The following RASGRF1 variants were observed in gnomAD, a reference collection of about 807,000 sequenced individuals.
The protein encoded by RASGRF1 is ras-specific guanine nucleotide-releasing factor 1.
Under a neutral mutation model 138.7 loss-of-function variants are expected in RASGRF1, and 40 were observed. The observed-to-expected ratio is 0.29, with a 90% CI of 0.22 to 0.38. The LOEUF (loss-of-function observed/expected upper bound fraction) is 0.38. RASGRF1 is among the 10% of genes least tolerant of loss of function. The pLI is 1.00. For synonymous variants in RASGRF1, 614 were observed against 663.2 expected (o/e 0.93, Z 1.14); for missense variants, 1,108 against 1,650.4 (o/e 0.67, Z 5.69).
intron 10 of RASGRF1, among the ~76,000 whole-genome samples, chr15:79,024,171 AC>A (rs1423550252): frequency 6.6e-6 from 1 of 151,360 alleles, no homozygotes; most frequent in African/African-American, 2.4e-5. Flanking sequence ...CATATACCAC[AC>A]CCACCCACCA....
At chr15:79,058,533 G>A (rs758322128) in intron 2 of RASGRF1, 52 bp from the exon 3 acceptor site, 7 of 1,599,194 alleles carry the variant, frequency 4.4e-6, no homozygotes, top group South Asian at 1.1e-5. Flanking sequence ...GTCCTCTGGC[G>A]AACCAAGCAG....
At chr15:79,089,708 C>T (rs2058028064) in intron 1 of RASGRF1, among the ~76,000 whole-genome samples, 1 of 152,268 alleles carries the variant, frequency 6.6e-6, no homozygotes, top group Non-Finnish European at 1.5e-5. Context: ...GGAGCTAGCG[C>T]AGACCGCTCT....
chr15:79,071,667 G>A (rs749498897), intron 1 of RASGRF1, among the ~76,000 whole-genome samples: 7 of 151,958 alleles, frequency 4.6e-5, no homozygotes, highest in Non-Finnish European at 8.8e-5. Context: ...ACTGTGCCTG[G>A]CCCTCTGCAG....
In RASGRF1 at chr15:78,998,141, G is replaced by T; in HGVS notation, c.2921C>A (p.Pro974Gln). 6.2e-7 allele frequency: 1 copy of T among 1,614,164 alleles called. No individual in the cohort carries two copies. The highest frequency in any genetic ancestry group is 8.5e-7 in the Non-Finnish European group (1 of 1,180,020). The change falls in exon 19 of 27, where the codon CCG (proline) becomes CAG (glutamine). Residue 974 changes from proline (P) to glutamine (Q), a missense_variant. Transcript: ENST00000558480. ...CTTCCGCTCCTGGGTCAGGAGCTCC[G>T]GGTCGTGCATGACTTCTTCCAGGAA... ...IGFLEEVMHD[P>Q]ELLTQERKAA...
intron 23 of RASGRF1, chr15:78,981,190 C>G (rs1410251088): frequency 6.6e-6 from 1 of 152,292 alleles, no homozygotes; most frequent in Non-Finnish European, 1.5e-5. Flanking sequence ...AACTGATCAT[C>G]AGAAAAGAAA....
intron 10 of RASGRF1, among the ~76,000 whole-genome samples, chr15:79,023,995 CAT>C (rs1370418970): frequency 1.3e-5 from 2 of 149,212 alleles, no homozygotes; most frequent in Non-Finnish European, 3.0e-5. Context: ...ATATCTCACA[CAT>C]AGACACACAC....
intron 8 of RASGRF1, among the ~76,000 whole-genome samples, chr15:79,028,410 G>A (rs1049594072): frequency 6.6e-6 from 1 of 152,118 alleles, no homozygotes; most frequent in Non-Finnish European, 1.5e-5. Context: ...ACCTTTTGGA[G>A]CACCTGGCAA....
At chr15:79,039,766 C>T (rs1186844703) in intron 5 of RASGRF1, among the ~76,000 whole-genome samples, 1 of 151,996 alleles carries the variant, frequency 6.6e-6, no homozygotes, top group South Asian at 2.1e-4. Flanking sequence ...TAGGGAAAAA[C>T]TACTGATTTT....
At chr15:78,971,766 G>C (rs2055765296) in intron 26 of RASGRF1, 100 bp downstream of exon 26, 10 of 1,131,162 alleles carry the variant, frequency 8.8e-6, no homozygotes, top group Non-Finnish European at 1.2e-5. Context: ...AGAGAATTCT[G>C]GAAGGGAAAG....
intron 23 of RASGRF1, among the ~76,000 whole-genome samples, chr15:78,982,492 T>C (rs1756271185): frequency 6.6e-6 from 1 of 152,148 alleles, no homozygotes. Context: ...ATCTTCTAGC[T>C]GGGCCAGGAG....
At chr15:79,089,859 G>A (rs1221533106) in intron 1 of RASGRF1, among the ~76,000 whole-genome samples, 3 of 152,202 alleles carry the variant, frequency 2.0e-5, no homozygotes, top group African/African-American at 7.2e-5. Flanking sequence ...GGTGGGAGTG[G>A]GGGTTGGGAG....
At position 79,006,109 on chromosome 15, in the gene RASGRF1, C is replaced by T. The variant is rs144997995; in HGVS notation, c.2075+77G>A. ...TCCAGGGACCTTCCAGGTCACCCCC[C>T]GGCCCCGTGCAAGCTCAGTTTTCCT... On this transcript the variant is annotated intron_variant, in intron 14 of 26. Coordinates refer to ENST00000558480, the MANE Select transcript of RASGRF1 (RefSeq NM_001145648.3). This position sits in a 1 kb window ranked among gnomAD's most constrained non-coding sequence, Gnocchi z 4.0. The T allele has an allele frequency of 2.5e-4, 389 of 1,587,084 alleles. No homozygotes were observed. In the African/African-American group the frequency reaches 2.8e-3, roughly 11 times the overall value.
At chr15:78,996,017 T>C (rs1237871479) in intron 19 of RASGRF1, among the ~76,000 whole-genome samples, 1 of 152,200 alleles carries the variant, frequency 6.6e-6, no homozygotes, top group Non-Finnish European at 1.5e-5. Flanking sequence ...TCTCAGCCCC[T>C]GGGCTTCCTG....
intron 1 of RASGRF1, among the ~76,000 whole-genome samples, chr15:79,071,526 AT>A (rs60329515): frequency 0.02 from 2,811 of 141,094 alleles, 22 homozygotes; most frequent in Admixed American, 0.032. Context: ...TGCCCGGCTA[AT>A]TTTTTTTTTT....
At position 78,961,070 on chromosome 15, in the gene RASGRF1, C is replaced by G. The variant is rs2055537357; in HGVS notation, c.*1074G>C. 1 of 152,184 alleles carries G rather than the reference C, an allele frequency of 6.6e-6. No individual in the cohort carries two copies. Among genetic ancestry groups the G allele is most frequent in the Admixed American group, 6.5e-5 (1 of 15,280 alleles). 9.4% of individuals were successfully genotyped at this position (152,184 alleles called of 1,614,324 possible). On this transcript the variant is annotated 3_prime_UTR_variant, in exon 27 of 27. Coordinates refer to ENST00000558480, the MANE Select transcript of RASGRF1 (RefSeq NM_001145648.3). ...ATTGCTTACAGCAAAAGTTGTCTGTCTGTTGTAGTGGAGCATGCCTGCCAC... is the reference window on the plus strand; with the variant it reads ...ATTGCTTACAGCAAAAGTTGTCTGTGTGTTGTAGTGGAGCATGCCTGCCAC...
At position 78,998,820 on chromosome 15, in the gene RASGRF1, G is replaced by C. The variant is rs1325542221; in HGVS notation, c.2752C>G (p.Pro918Ala). ...TTGTCTCCATTCCTCTGGTCTGGGG[G>C]AAACCCTGGCAGCATGCGTGGCAGA... ...RRMSLASAGFPPDQRNGDKEF... is the reference protein window; with the variant it reads ...RRMSLASAGFAPDQRNGDKEF... The change falls in exon 18 of 27, where the codon CCC becomes GCC. Residue 918 changes from proline (P) to alanine (A), a missense_variant. Physicochemically the swap from Pro to Ala is conservative, Grantham distance 27. This residue lies in a region of RASGRF1 where 686 missense variants were observed against 976.7 expected (regional missense o/e 0.70). Coordinates refer to ENST00000558480, the MANE Select transcript of RASGRF1 (RefSeq NM_001145648.3). 6.2e-7 allele frequency: 1 copy of C among 1,612,904 alleles called. No homozygotes were observed. Among genetic ancestry groups the C allele is most frequent in the Non-Finnish European group, 8.5e-7 (1 of 1,179,006 alleles).
intron 21 of RASGRF1, 98 bp downstream of exon 21, chr15:78,991,593 C>T (rs891435759): frequency 2.0e-5 from 19 of 944,262 alleles, no homozygotes; most frequent in African/African-American, 4.8e-5. Context: ...GTGGAGGGTC[C>T]GTGCAGCTCT....
At chr15:79,025,567 A>T in intron 9 of RASGRF1, 93 bp from the exon 10 acceptor site, 1 of 1,425,658 alleles carries the variant, frequency 7.0e-7, no homozygotes, top group Non-Finnish European at 9.6e-7. Context: ...GGGCAGCAGC[A>T]GTGGGACAAG....
At chr15:79,005,116 G>A in intron 14 of RASGRF1, 1 of 985,448 alleles carries the variant, frequency 1.0e-6, no homozygotes, top group Non-Finnish European at 1.2e-6. Flanking sequence ...TTTTCTCAGA[G>A]CCCTGGGAAT....
Sources: allele counts gnomAD v4.1 joint callset (sites outside exome capture counted in the v4.1 genomes callset), GRCh38; gene constraint gnomAD v4.1.1; regional missense constraint gnomAD v4.1.1; non-coding constraint Gnocchi (gnomAD v3.1); transcripts MANE v1.5; gene names NCBI Gene and HGNC (gene_info 2026-07-23, HGNC 2026-07-21).